Variants in DSCAM observed in about 807,000 individuals in gnomAD.
The protein encoded by DSCAM is DS cell adhesion molecule, also known as cell adhesion molecule DSCAM.
In DSCAM, 47 loss-of-function variants were observed where a neutral mutation model predicts 217.7. The ratio of observed to expected loss-of-function variants is 0.22; its 90% confidence interval spans 0.17 to 0.28. The LOEUF is 0.28. DSCAM is among the 10% of genes least tolerant of loss of function. The pLI is 1.00. For missense variants in DSCAM, 2,080 were observed against 2,618.3 expected, an observed-to-expected ratio of 0.79 and a Z score of 4.49; for synonymous variants, 1,056 against 1,015.3, an observed-to-expected ratio of 1.04 and a Z score of -0.76.
chr21:40,189,464 G>A (rs879904020), intron 11 of DSCAM, among the ~76,000 whole-genome samples: 11 of 152,120 alleles, frequency 7.2e-5, no homozygotes, highest in South Asian at 2.1e-4. Context: ...TCATATCCAC[G>A]GCACGTTGCT....
chr21:40,430,039 T>C (rs887930624), intron 3 of DSCAM, among the ~76,000 whole-genome samples: 13 of 152,216 alleles, frequency 8.5e-5, no homozygotes, highest in Admixed American at 7.9e-4. Flanking sequence ...TTTTTCCTAA[T>C]ATCCAGTAAT....
intron 3 of DSCAM, among the ~76,000 whole-genome samples, chr21:40,526,739 A>G (rs8132020): frequency 0.03 from 4,508 of 152,192 alleles, 209 homozygotes; most frequent in African/African-American, 0.098. Context: ...AGTTCACAGT[A>G]TATACATATA....
Position 40,758,532 on chromosome 21 carries a change from A to AAC in DSCAM, c.44-49762_44-49761insGT, listed in dbSNP as rs2091298598. Reference sequence around the variant, plus strand: ...ACTCTGTCTCAAAAAAAAAAAAAAAAAGACCTAAAACTGAGATACAGAGGA... The same window carrying AAC: ...ACTCTGTCTCAAAAAAAAAAAAAAAAACAGACCTAAAACTGAGATACAGAGGA... On this transcript the variant is annotated intron_variant, in intron 1 of 32. Coordinates refer to ENST00000400454, the MANE Select transcript of DSCAM (RefSeq NM_001389.5). Among the ~76,000 whole-genome samples, 4 of 151,672 alleles carry AAC rather than the reference A, an allele frequency of 2.6e-5. No homozygotes were observed. In the South Asian group the frequency reaches 8.4e-4, roughly 32 times the overall value.
At chr21:40,318,635 C>T (rs548997351) in intron 8 of DSCAM, among the ~76,000 whole-genome samples, 1 of 152,322 alleles carries the variant, frequency 6.6e-6, no homozygotes, top group East Asian at 1.9e-4. Context: ...AGAGATGCAC[C>T]TAGCTTACCG....
chr21:40,119,105 A>C lies in DSCAM; in HGVS notation c.3696+5090T>G, dbSNP rs576395567. ...CATACTCACAATGAGCATGATCGTGAAAGAAAAATAAAACCATTGGTTGTT... is the reference window on the plus strand; with the variant it reads ...CATACTCACAATGAGCATGATCGTGCAAGAAAAATAAAACCATTGGTTGTT... On this transcript the variant is annotated intron_variant, in intron 20 of 32. Transcript: ENST00000400454. Among the ~76,000 whole-genome samples the C allele has an allele frequency of 7.2e-5, 11 of 152,316 alleles. 1 individual carries two copies. In the South Asian group the frequency reaches 2.3e-3, roughly 32 times the overall value.
At position 40,011,062 on chromosome 21, in the gene DSCAM, T is replaced by C. The variant is rs557462891; in HGVS notation, c.*1972A>G. 6.6e-6 allele frequency: 1 copy of C among 152,282 alleles called. No individual in the cohort carries two copies. The highest frequency in any genetic ancestry group is 2.1e-4 in the South Asian group (1 of 4,828). 9.4% of individuals were successfully genotyped at this position (152,282 alleles called of 1,614,324 possible). ...AAAATGTTAAAAAGGTAAACTTCTA[T>C]GTTTGGGGGATATAGAAGTTTTAGG... On this transcript the variant is annotated 3_prime_UTR_variant, in exon 33 of 33. Transcript: ENST00000400454.
At chr21:40,037,612 A>C (rs200381549) in intron 32 of DSCAM, among the ~76,000 whole-genome samples, 2 of 145,904 alleles carry the variant, frequency 1.4e-5, no homozygotes, top group Non-Finnish European at 3.0e-5. Flanking sequence ...TACAGATTCA[A>C]TGCCATCCCC....
chr21:40,718,260 C>T (rs866657390), intron 1 of DSCAM, among the ~76,000 whole-genome samples: 1 of 152,136 alleles, frequency 6.6e-6, no homozygotes, highest in Non-Finnish European at 1.5e-5. Context: ...AATAGGAGTC[C>T]AAGACCCTAG....
At position 40,407,348 on chromosome 21, in the gene DSCAM, A is replaced by G. The variant is rs146750773; in HGVS notation, c.509-38103T>C. 3.3e-4 allele frequency among the ~76,000 whole-genome samples: 51 copies of G among 152,368 alleles called. No homozygotes were observed. The East Asian group carries it at 8.7e-3, about 26-fold the overall frequency. On this transcript the variant is annotated intron_variant, in intron 3 of 32. Coordinates refer to ENST00000400454, the MANE Select transcript of DSCAM (RefSeq NM_001389.5). ...GGTCTCCAATAAATCAGTCCTCTCC[A>G]TGTCAACAACCCATTTGTGAGACAA... is the stretch of plus-strand genomic sequence containing the variant.
At chr21:40,491,352 T>A in intron 3 of DSCAM, among the ~76,000 whole-genome samples, 1 of 152,126 alleles carries the variant, frequency 6.6e-6, no homozygotes, top group East Asian at 1.9e-4. Flanking sequence ...TGATTGCTTC[T>A]GCCTAACCTT....
rs527601038 is a variant in DSCAM at position 40,536,641 on chromosome 21, C to T, written c.508+156169G>A. Reference sequence around the variant, plus strand: ...CAGGATGGTCTCGATCTCCTGACCTCGTGATCCGCCCGCCTTGGCCTCCCA... The same window carrying T: ...CAGGATGGTCTCGATCTCCTGACCTTGTGATCCGCCCGCCTTGGCCTCCCA... On this transcript the variant is annotated intron_variant, in intron 3 of 32. Coordinates refer to ENST00000400454, the MANE Select transcript of DSCAM (RefSeq NM_001389.5). Among the ~76,000 whole-genome samples, 10 of 152,186 alleles carry T rather than the reference C, an allele frequency of 6.6e-5. No homozygotes were observed. In the East Asian group the frequency reaches 1.2e-3, roughly 18 times the overall value.
chr21:40,767,886 CTT>C (rs1491448053), intron 1 of DSCAM, among the ~76,000 whole-genome samples: 4 of 148,774 alleles, frequency 2.7e-5, no homozygotes, highest in East Asian at 2.0e-4. Flanking sequence ...CATTTTCTCT[CTT>C]TCTCTCTCTC....
At chr21:40,543,256 T>C (rs541007342) in intron 3 of DSCAM, among the ~76,000 whole-genome samples, 2 of 152,330 alleles carry the variant, frequency 1.3e-5, no homozygotes, top group South Asian at 4.1e-4. Context: ...CCCAAAGGCC[T>C]AAACATTTTA....
At chr21:40,773,989 A>T (rs1180235302) in intron 1 of DSCAM, among the ~76,000 whole-genome samples, 2 of 152,210 alleles carry the variant, frequency 1.3e-5, no homozygotes, top group African/African-American at 4.8e-5. Flanking sequence ...AAAAAGGAAG[A>T]TATTGGTCCC....
At chr21:40,152,439 A>C (rs1191137413) in intron 16 of DSCAM, among the ~76,000 whole-genome samples, 2 of 152,142 alleles carry the variant, frequency 1.3e-5, no homozygotes, top group African/African-American at 2.4e-5. Context: ...TGGATTCAGT[A>C]ATGATCCTGA....
intron 3 of DSCAM, among the ~76,000 whole-genome samples, chr21:40,663,023 ATG>A (rs138226523): frequency 2.0e-5 from 3 of 150,738 alleles, no homozygotes; most frequent in Admixed American, 6.6e-5. Flanking sequence ...GTTGTCAATG[ATG>A]TGTGTGTGTG....
intron 12 of DSCAM, among the ~76,000 whole-genome samples, chr21:40,188,459 T>C (rs557128191): frequency 6.6e-6 from 1 of 152,320 alleles, no homozygotes; most frequent in East Asian, 1.9e-4. Context: ...AATGGACCCT[T>C]GTCTGAGAGC....
intron 3 of DSCAM, among the ~76,000 whole-genome samples, chr21:40,479,538 G>C (rs944378275): frequency 6.6e-6 from 1 of 152,206 alleles, no homozygotes; most frequent in Non-Finnish European, 1.5e-5. Context: ...AGAAGGCAAA[G>C]GAGGAGCAAA....
intron 2 of DSCAM, among the ~76,000 whole-genome samples, chr21:40,697,705 T>C (rs2090610260): frequency 6.6e-6 from 1 of 152,258 alleles, no homozygotes; most frequent in South Asian, 2.1e-4. Context: ...GTCTGTTTTA[T>C]GTCAGTACTA....
Sources: gnomAD v4.1 joint callset for allele counts (sites outside exome capture counted in the v4.1 genomes callset) on GRCh38, gnomAD v4.1.1 for gene constraint, MANE v1.5 for transcripts, NCBI Gene and HGNC (gene_info 2026-07-23, HGNC 2026-07-21) for gene names.